Variants in SYCP1 observed in about 807,000 individuals in gnomAD.
SYCP1 encodes the protein cancer/testis antigen 8.
Under a neutral mutation model 153.1 loss-of-function variants are expected in SYCP1, and 64 were observed. That is an observed-to-expected ratio of 0.42 (90% CI 0.34 to 0.51). The LOEUF is 0.51. Among genes scored for constraint, SYCP1 ranks in the 20% least tolerant of loss-of-function variants. The probability of loss-of-function intolerance (pLI) is 0.06; values close to 1 mark genes in which losing one functional copy is unlikely to be tolerated. For synonymous variants in SYCP1, 384 were observed against 341.8 expected, an observed-to-expected ratio of 1.12 and a Z score of -1.36; for missense variants, 997 against 1,049.0, an observed-to-expected ratio of 0.95 and a Z score of 0.68.
intron 12 of SYCP1, among the ~76,000 whole-genome samples, chr1:114,880,770 A>G (rs1665867039): frequency 6.6e-6 from 1 of 152,094 alleles, no homozygotes; most frequent in African/African-American, 2.4e-5. Context: ...TAGCCCGTTT[A>G]GTCCTTTTAT....
intron 30 of SYCP1, among the ~76,000 whole-genome samples, chr1:114,989,287 G>C (rs531979524): frequency 2.0e-5 from 3 of 152,062 alleles, no homozygotes; most frequent in Admixed American, 6.6e-5. Context: ...GAATTAGATT[G>C]TTATAGCATT....
Position 114,988,080 on chromosome 1 carries a change from CAAAAAA to C in SYCP1, c.2703+3223_2703+3228del, listed in dbSNP as rs34553973. 4.4e-5 allele frequency among the ~76,000 whole-genome samples: 5 copies of C among 114,634 alleles called. No homozygotes were observed. In the South Asian group the frequency reaches 1.3e-3, roughly 31 times the overall value. 75.2% of individuals were successfully genotyped at this position (114,634 alleles called of 152,430 possible). Reference sequence around the variant, plus strand: ...TGAAGTTACTGAGTCTGATAAACGGCAAAAAAAAAAAAAAAAGAAAAAGAAAAGAAA... The same window carrying C: ...TGAAGTTACTGAGTCTGATAAACGGCAAAAAAAAAAGAAAAAGAAAAGAAA... On this transcript the variant is annotated intron_variant, in intron 30 of 31. Coordinates refer to ENST00000369522, the MANE Select transcript of SYCP1 (RefSeq NM_003176.4).
chr1:114,980,186 CA>C (rs1211890518), intron 28 of SYCP1, among the ~76,000 whole-genome samples: 2 of 151,818 alleles, frequency 1.3e-5, no homozygotes, highest in African/African-American at 4.8e-5. Context: ...TAACATGCCT[CA>C]ATTTCCTTAC....
intron 26 of SYCP1, 48 bp downstream of exon 26, chr1:114,946,429 G>A: frequency 8.8e-7 from 1 of 1,137,164 alleles, no homozygotes; most frequent in Non-Finnish European, 1.3e-6. Context: ...CATAATGTCA[G>A]CAGTGACTGG....
At chr1:114,888,158 GAC>G (rs1666442687) in intron 15 of SYCP1, among the ~76,000 whole-genome samples, 1 of 152,036 alleles carries the variant, frequency 6.6e-6, no homozygotes, top group Non-Finnish European at 1.5e-5. Flanking sequence ...CCACGAGAGA[GAC>G]ATTCTCTACA....
chr1:114,965,826 G>T (rs1344581414), intron 27 of SYCP1, among the ~76,000 whole-genome samples: 1 of 152,126 alleles, frequency 6.6e-6, no homozygotes, highest in Non-Finnish European at 1.5e-5. Flanking sequence ...TTGTGTCTCT[G>T]CCAGGTTTTG....
intron 20 of SYCP1, among the ~76,000 whole-genome samples, chr1:114,915,533 GGTTGAATCC>G (rs551156393): frequency 0.015 from 2,224 of 152,290 alleles, 27 homozygotes; most frequent in Non-Finnish European, 0.023. Context: ...AGTTATTTCT[GGTTGAATCC>G]GTTAGAAGCC....
At position 114,860,791 on chromosome 1, in the gene SYCP1, G is replaced by A; in HGVS notation, c.580G>A (p.Ala194Thr). 6.3e-7 allele frequency: 1 copy of A among 1,588,942 alleles called. No individual in the cohort carries two copies. Among genetic ancestry groups the A allele is most frequent in the African/African-American group, 1.4e-5 (1 of 73,692 alleles). Residue 194 changes from alanine to threonine, a missense_variant, in exon 8 of 32, where the codon GCA becomes ACA. This residue lies in a region of SYCP1 where 285 missense variants were observed against 366.1 expected (regional missense o/e 0.78). Transcript: ENST00000369522. ...ACTCAAAGAAACCTGTGCTAGATCT[G>A]CAGAAAAGACAAAGAAATGTAAATA... ...NLLKETCARS[A>T]EKTKKYEYER...
At chr1:114,930,651 T>A (rs2101757679) in intron 23 of SYCP1, among the ~76,000 whole-genome samples, 1 of 152,060 alleles carries the variant, frequency 6.6e-6, no homozygotes, top group East Asian at 1.9e-4. Flanking sequence ...ATCTGGATGA[T>A]TTCACTGGTA....
chr1:114,874,686 T>A, intron 9 of SYCP1, 122 bp downstream of exon 9: 1 of 582,452 alleles, frequency 1.7e-6, no homozygotes, highest in Non-Finnish European at 2.9e-6. Context: ...TGTTGATATA[T>A]TATTGTATCA....
At chr1:114,976,846 T>C (rs950493461) in intron 27 of SYCP1, among the ~76,000 whole-genome samples, 1 of 151,784 alleles carries the variant, frequency 6.6e-6, no homozygotes, top group Admixed American at 6.6e-5. Context: ...TCAGTGAGGA[T>C]AGATACTGGC....
rs544145062 is a variant in SYCP1, at chr1:114,895,325, G to A, written c.1259-123G>A. 294 of 485,046 alleles carry A rather than the reference G, an allele frequency of 6.1e-4. 2 individuals carry two copies. Among genetic ancestry groups the A allele is most frequent in the African/African-American group, 5.1e-3 (260 of 51,074 alleles). The allele number at this position is 485,046 out of a possible 1,614,324, so 30.0% of individuals were successfully genotyped here. ...TTGGACTCCCTCTATGCTTTACATT[G>A]CTCTAGTTGCATTTGTCTCTCCTGA... On this transcript the variant is annotated intron_variant, in intron 15 of 31. Transcript: ENST00000369522.
At chr1:114,880,583 T>G (rs887039677) in intron 12 of SYCP1, among the ~76,000 whole-genome samples, 5 of 152,172 alleles carry the variant, frequency 3.3e-5, no homozygotes, top group African/African-American at 9.7e-5. Context: ...TTTCAGGTTT[T>G]CAATTTTGTT....
chr1:114,857,585 G>A lies in SYCP1; in HGVS notation c.291+88G>A, dbSNP rs1183587435. The A allele has an allele frequency of 1.3e-5, 13 of 970,370 alleles. No individual in the cohort carries two copies. In the Admixed American group the frequency reaches 4.1e-4, roughly 30 times the overall value. The allele number at this position is 970,370 out of a possible 1,614,324, so 60.1% of individuals were successfully genotyped here. A position where few individuals can be genotyped will look rare whatever the true frequency, so the allele number is the denominator to read the frequency against. On this transcript the variant is annotated intron_variant, in intron 5 of 31. Transcript: ENST00000369522. ...GTATATTTCTTTTGAAGCTTCAAAA[G>A]GATTATTATTTGATTAACGTTTTAA... is the stretch of plus-strand genomic sequence containing the variant.
At chr1:114,933,092 G>A (rs1201393295) in intron 23 of SYCP1, among the ~76,000 whole-genome samples, 2 of 152,174 alleles carry the variant, frequency 1.3e-5, no homozygotes, top group African/African-American at 4.8e-5. Context: ...CAGACAGACT[G>A]CCTCCTCAAG....
chr1:114,988,080 C>CAAAAAAAAA (rs34553973), intron 30 of SYCP1, among the ~76,000 whole-genome samples: 3 of 114,636 alleles, frequency 2.6e-5, no homozygotes, highest in African/African-American at 7.8e-5. Flanking sequence ...TGATAAACGG[C>CAAAAAAAAA]AAAAAAAAAA....
chr1:114,897,013 T>G (rs1667117450), intron 16 of SYCP1, among the ~76,000 whole-genome samples: 1 of 152,210 alleles, frequency 6.6e-6, no homozygotes, highest in South Asian at 2.1e-4. Flanking sequence ...AGGCTCCTCT[T>G]TCTTGCAAAT....
At chr1:114,943,040 T>A (rs886500690) in intron 23 of SYCP1, among the ~76,000 whole-genome samples, 1 of 151,946 alleles carries the variant, frequency 6.6e-6, no homozygotes, top group African/African-American at 2.4e-5. Context: ...ACATGTTACA[T>A]AATTTTCTGG....
intron 16 of SYCP1, among the ~76,000 whole-genome samples, chr1:114,897,948 C>T (rs949181077): frequency 1.3e-5 from 2 of 152,128 alleles, no homozygotes; most frequent in African/African-American, 4.8e-5. Context: ...CTGCTCTTAC[C>T]CACATATGCT....
Sources: gnomAD v4.1 joint callset for allele counts (sites outside exome capture counted in the v4.1 genomes callset) on GRCh38, gnomAD v4.1.1 for gene constraint, gnomAD v4.1.1 regional missense constraint, MANE v1.5 for transcripts, NCBI Gene and HGNC (gene_info 2026-07-23, HGNC 2026-07-21) for gene names.